ADGRB3: variants seen among roughly 807,000 people sequenced by gnomAD.
The protein encoded by ADGRB3 is brain-specific angiogenesis inhibitor 3.
ADGRB3 carries 37 observed loss-of-function variants against 193.4 expected under a neutral mutation model. The ratio of observed to expected loss-of-function variants is 0.19; its 90% confidence interval spans 0.15 to 0.25. The LOEUF (loss-of-function observed/expected upper bound fraction) is 0.25. Ranked by LOEUF, ADGRB3 falls within the 10% of genes least tolerant of loss-of-function variation. The pLI, the probability that ADGRB3 is intolerant of heterozygous loss-of-function variation, is 1.00. For synonymous variants in ADGRB3, 690 were observed against 644.2 expected (o/e 1.07, Z -1.08); for missense variants, 1,637 against 1,852.9 (o/e 0.88, Z 2.14).
chr6:68,741,558 T>C (rs1562012138), intron 3 of ADGRB3, among the ~76,000 whole-genome samples: 1 of 152,058 alleles, frequency 6.6e-6, no homozygotes, highest in Non-Finnish European at 1.5e-5. Context: ...AGATAAACTT[T>C]TGTAGTTTTT....
At chr6:68,987,706 A>T (rs1283073568) in intron 10 of ADGRB3, among the ~76,000 whole-genome samples, 1 of 152,108 alleles carries the variant, frequency 6.6e-6, no homozygotes, top group African/African-American at 2.4e-5. Flanking sequence ...GAATGCAGTT[A>T]ACCTTACTAA....
At chr6:68,742,386 T>C (rs578069687) in intron 3 of ADGRB3, among the ~76,000 whole-genome samples, 2 of 152,000 alleles carry the variant, frequency 1.3e-5, no homozygotes, top group Non-Finnish European at 2.9e-5. Context: ...TTTTTTTTCT[T>C]TCTCTGGGTC....
chr6:68,998,302 A>G (rs1473122817), intron 11 of ADGRB3, among the ~76,000 whole-genome samples: 1 of 152,216 alleles, frequency 6.6e-6, no homozygotes, highest in Non-Finnish European at 1.5e-5. Context: ...GCCATTGACA[A>G]TGGAGAAAAG....
At chr6:68,707,669 T>G (rs1313894867) in intron 3 of ADGRB3, among the ~76,000 whole-genome samples, 2 of 152,204 alleles carry the variant, frequency 1.3e-5, no homozygotes, top group Admixed American at 1.3e-4. Context: ...AATAAGTTCA[T>G]CAATTCACAG....
chr6:68,862,131 A>ACCCCCCCCCC (rs34902902), intron 3 of ADGRB3, among the ~76,000 whole-genome samples: 2 of 141,350 alleles, frequency 1.4e-5, no homozygotes, highest in Admixed American at 7.3e-5. Flanking sequence ...AGGAGGAGGG[A>ACCCCCCCCCC]CCCCCCCCCC....
rs143256301 is a variant in ADGRB3 at position 69,244,393 on chromosome 6, G to A, written c.2814+5167G>A. Among the ~76,000 whole-genome samples, 455 of 152,060 alleles carry A rather than the reference G, an allele frequency of 3.0e-3. 1 individual carries two copies. The highest frequency in any genetic ancestry group is 0.01 in the African/African-American group (422 of 41,508). ...TGTGTTTTTTAAAAAGTAAAACCTC[G>A]AATTGGAATACCTTAACTTGGGTCA... On this transcript the variant is annotated intron_variant, in intron 20 of 31. Transcript: ENST00000370598.
intron 3 of ADGRB3, among the ~76,000 whole-genome samples, chr6:68,784,224 GTGA>G (rs1216089443): frequency 6.6e-6 from 1 of 152,068 alleles, no homozygotes; most frequent in Non-Finnish European, 1.5e-5. Flanking sequence ...CAGTAGAAAG[GTGA>G]AACTGTTGCC....
At chr6:68,655,441 C>A (rs1310975811) in intron 3 of ADGRB3, among the ~76,000 whole-genome samples, 1 of 151,570 alleles carries the variant, frequency 6.6e-6, no homozygotes, top group Non-Finnish European at 1.5e-5. Context: ...ATGTTAAATT[C>A]CATTAATTGG....
chr6:68,886,941 CCTT>C (rs1343777009), intron 3 of ADGRB3, among the ~76,000 whole-genome samples: 2 of 151,302 alleles, frequency 1.3e-5, no homozygotes, highest in East Asian at 3.9e-4. Context: ...GTTCTAGTAA[CCTT>C]CTGGTTTTGT....
intron 29 of ADGRB3, among the ~76,000 whole-genome samples, chr6:69,368,085 T>C (rs1261643264): frequency 6.6e-6 from 1 of 151,824 alleles, no homozygotes; most frequent in Non-Finnish European, 1.5e-5. Flanking sequence ...GCATGGCACA[T>C]GTATACATAT....
At chr6:68,868,885 T>C (rs1765379306) in intron 3 of ADGRB3, among the ~76,000 whole-genome samples, 1 of 144,258 alleles carries the variant, frequency 6.9e-6, no homozygotes, top group Admixed American at 7.0e-5. Flanking sequence ...TGAATATGAT[T>C]CTGGAAATAG....
chr6:69,226,358 A>G (rs1766015797), intron 17 of ADGRB3, among the ~76,000 whole-genome samples: 1 of 152,224 alleles, frequency 6.6e-6, no homozygotes, highest in African/African-American at 2.4e-5. Context: ...TCAAATCAAA[A>G]TCTTTAACAG....
At chr6:68,880,933 G>A (rs1488782990) in intron 3 of ADGRB3, among the ~76,000 whole-genome samples, 3 of 151,970 alleles carry the variant, frequency 2.0e-5, no homozygotes, top group Non-Finnish European at 2.9e-5. Context: ...AAAAAATTCA[G>A]CCCTATTTGT....
chr6:68,778,258 G>A (rs1236407109), intron 3 of ADGRB3, among the ~76,000 whole-genome samples: 1 of 152,036 alleles, frequency 6.6e-6, no homozygotes, highest in Non-Finnish European at 1.5e-5. Flanking sequence ...CATGGTGAAG[G>A]CTGCTATAAG....
At chr6:69,202,064 G>A (rs1433955998) in intron 17 of ADGRB3, among the ~76,000 whole-genome samples, 1 of 152,098 alleles carries the variant, frequency 6.6e-6, no homozygotes, top group Admixed American at 6.6e-5. Flanking sequence ...AGTGTGATTT[G>A]CAGTCCTTCC....
chr6:68,754,739 T>TAAA (rs11450503), intron 3 of ADGRB3, among the ~76,000 whole-genome samples: 2 of 150,320 alleles, frequency 1.3e-5, no homozygotes, highest in East Asian at 2.0e-4. Flanking sequence ...TAAGGAAATT[T>TAAA]AAAAAAAAAA....
chr6:68,643,438 C>CTTTTTT lies in ADGRB3; in HGVS notation c.757+4023_757+4028dup, dbSNP rs765489730. On this transcript the variant is annotated intron_variant, in intron 3 of 31. Coordinates refer to ENST00000370598, the MANE Select transcript of ADGRB3 (RefSeq NM_001704.3). ...CTTTCTCTTTACACTCTTCATCTTC[C>CTTTTTT]TTTTTTTTTTTTTTTTTTTTTTCGT... 6.6e-4 allele frequency among the ~76,000 whole-genome samples: 43 copies of CTTTTTT among 65,022 alleles called. 3 individuals are homozygous for CTTTTTT. The highest frequency in any genetic ancestry group is 1.6e-3 in the South Asian group (2 of 1,220). 42.7% of individuals were successfully genotyped at this position (65,022 alleles called of 152,430 possible). A position where few individuals can be genotyped will look rare whatever the true frequency, so the allele number is the denominator to read the frequency against.
intron 3 of ADGRB3, among the ~76,000 whole-genome samples, chr6:68,644,595 C>T (rs1305399508): frequency 6.6e-6 from 1 of 152,096 alleles, no homozygotes; most frequent in Non-Finnish European, 1.5e-5. Context: ...ACATCAGTTT[C>T]AGTGTTACTG....
intron 3 of ADGRB3, among the ~76,000 whole-genome samples, chr6:68,878,525 G>A: frequency 6.6e-6 from 1 of 152,088 alleles, no homozygotes; most frequent in East Asian, 1.9e-4. Flanking sequence ...TTGTGTTTGT[G>A]CTATTTACAT....
Sources: gnomAD v4.1 joint callset for allele counts (sites outside exome capture counted in the v4.1 genomes callset) on GRCh38, gnomAD v4.1.1 for gene constraint, MANE v1.5 for transcripts, NCBI Gene and HGNC (gene_info 2026-07-23, HGNC 2026-07-21) for gene names.